Variants in RAD51C observed in about 807,000 individuals in gnomAD.
The protein encoded by RAD51C is DNA repair protein RAD51 homolog 3.
In RAD51C, 42 loss-of-function variants were observed where a neutral mutation model predicts 45.0. The observed-to-expected ratio is 0.93, with a 90% CI of 0.73 to 1.21. The LOEUF is 1.21. RAD51C is among the 50% of genes most tolerant of loss of function. The pLI, the probability that RAD51C is intolerant of heterozygous loss-of-function variation, is 0.00. For missense variants in RAD51C, 474 were observed against 452.2 expected, an observed-to-expected ratio of 1.05 and a Z score of -0.44; for synonymous variants, 172 against 159.8, an observed-to-expected ratio of 1.08 and a Z score of -0.58.
intron 6 of RAD51C, among the ~76,000 whole-genome samples, chr17:58,722,571 C>A (rs1180098168): frequency 1.3e-5 from 2 of 152,180 alleles, no homozygotes; most frequent in Non-Finnish European, 2.9e-5. Context: ...CCACCATTAG[C>A]TTTCTGTTTT....
At chr17:58,706,419 G>A (rs1252179686) in intron 4 of RAD51C, 8 of 317,274 alleles carry the variant, frequency 2.5e-5, no homozygotes, top group South Asian at 5.6e-5. Context: ...GACAGAGTGA[G>A]ACTCCATCTC....
chr17:58,723,991 T>A (rs1413444622), intron 6 of RAD51C, 49 bp from the exon 7 acceptor site: 1 of 1,485,970 alleles, frequency 6.7e-7, no homozygotes. Context: ...GAGAAATGTA[T>A]AACCAAGTCA....
rs1567786001 is a variant in RAD51C at position 58,695,020 on chromosome 17, T to A, written c.235T>A (p.Ser79Thr). ...AAATAAACCAAGATATGCTGGTACA[T>A]CTGAGTCACACAAGAAGTGTACAGC... ...LTNKPRYAGT[S>T]ESHKKCTALE... The change falls in exon 2 of 9, where the codon TCT becomes ACT. Residue 79 changes from serine to threonine, a missense_variant. Coordinates refer to ENST00000337432, the MANE Select transcript of RAD51C (RefSeq NM_058216.3). The A allele has an allele frequency of 6.2e-7, 1 of 1,614,088 alleles. No homozygotes were observed. The highest frequency in any genetic ancestry group is 8.5e-7 in the Non-Finnish European group (1 of 1,179,972).
intron 5 of RAD51C, among the ~76,000 whole-genome samples, chr17:58,716,532 G>A (rs2048743390): frequency 6.6e-6 from 1 of 151,866 alleles, no homozygotes; most frequent in Admixed American, 6.6e-5. Flanking sequence ...GCGCGATCTT[G>A]GCTCACTGCA....
At chr17:58,721,051 G>T (rs115299316) in intron 6 of RAD51C, among the ~76,000 whole-genome samples, 1 of 152,116 alleles carries the variant, frequency 6.6e-6, no homozygotes, top group Non-Finnish European at 1.5e-5. Context: ...TTGGGAGGCC[G>T]AGGCGGATCA....
intron 7 of RAD51C, among the ~76,000 whole-genome samples, chr17:58,730,486 C>T (rs1398104231): frequency 2.6e-5 from 4 of 152,004 alleles, no homozygotes; most frequent in Non-Finnish European, 5.9e-5. Context: ...CTCAACATAG[C>T]TATTCTTGTA....
intron 5 of RAD51C, among the ~76,000 whole-genome samples, chr17:58,711,418 A>G (rs764699125): frequency 2.0e-5 from 3 of 152,196 alleles, no homozygotes; most frequent in Non-Finnish European, 4.4e-5. Context: ...GTATGCATTT[A>G]TATTTGTATA....
At chr17:58,696,978 A>G in intron 3 of RAD51C, 119 bp downstream of exon 3, 1 of 1,201,810 alleles carries the variant, frequency 8.3e-7, no homozygotes, top group Non-Finnish European at 1.2e-6. Context: ...TGGACAGTTA[A>G]CTAGTGTTAA....
rs876660577 is a variant in RAD51C, at chr17:58,692,793, C to T, written c.145+5C>T. Reference sequence around the variant, plus strand: ...AACCCTCCGAGCTTAGCAAAGGTAACGACTCCTGATGGCAAGCTGAGGCAC... The same window carrying T: ...AACCCTCCGAGCTTAGCAAAGGTAATGACTCCTGATGGCAAGCTGAGGCAC... On this transcript the variant is annotated splice_donor_5th_base_variant and intron_variant, in intron 1 of 8. Transcript: ENST00000337432. 1.9e-6 allele frequency: 3 copies of T among 1,614,176 alleles called. No homozygotes were observed. The Admixed American group carries it at 5.0e-5, about 27-fold the overall frequency.
chr17:58,732,080 G>A (rs1262120088), intron 7 of RAD51C, among the ~76,000 whole-genome samples: 1 of 152,106 alleles, frequency 6.6e-6, no homozygotes, highest in Non-Finnish European at 1.5e-5. Flanking sequence ...CTTGATTGTA[G>A]TCTTCTATCA....
At chr17:58,729,214 G>A (rs937503653) in intron 7 of RAD51C, among the ~76,000 whole-genome samples, 3 of 152,002 alleles carry the variant, frequency 2.0e-5, no homozygotes, top group Non-Finnish European at 4.4e-5. Flanking sequence ...TGATTTTTTT[G>A]TTTTGTTTGG....
At chr17:58,698,520 G>C (rs1172740511) in intron 3 of RAD51C, among the ~76,000 whole-genome samples, 2 of 150,022 alleles carry the variant, frequency 1.3e-5, no homozygotes, top group East Asian at 2.0e-4. Context: ...GTAGAGAGGG[G>C]GTTTCACCAT....
In RAD51C at chr17:58,713,748, C is replaced by T. The variant is rs546848901; in HGVS notation, c.837+3758C>T. On this transcript the variant is annotated intron_variant, in intron 5 of 8. Transcript: ENST00000337432. ...ACTTGAACTCGGGAGGTGGAGGTTG[C>T]AGTGAGCCAAGATCACACTGTTGCA... Among the ~76,000 whole-genome samples the T allele has an allele frequency of 5.3e-5, 8 of 152,174 alleles. No individual in the cohort carries two copies. The East Asian group carries it at 1.5e-3, about 29-fold the overall frequency.
rs768715761 is a variant in RAD51C, at chr17:58,734,102, A to AT, written c.1027-10dup. 1 of 1,604,426 alleles carries AT rather than the reference A, an allele frequency of 6.2e-7. No homozygotes were observed. The highest frequency in any genetic ancestry group is 1.3e-5 in the African/African-American group (1 of 74,518). Reference sequence around the variant, plus strand: ...GTTCTTAAAGCATATTTGTATATATATTTTTTATCTTTCAGCCTCAGGGAT... The same window carrying AT: ...GTTCTTAAAGCATATTTGTATATATATTTTTTTATCTTTCAGCCTCAGGGAT... On this transcript the variant is annotated splice_polypyrimidine_tract_variant and intron_variant, in intron 8 of 8. Coordinates refer to ENST00000337432, the MANE Select transcript of RAD51C (RefSeq NM_058216.3).
intron 6 of RAD51C, among the ~76,000 whole-genome samples, chr17:58,722,948 C>T (rs1190042768): frequency 6.6e-6 from 1 of 152,116 alleles, no homozygotes; most frequent in African/African-American, 2.4e-5. Flanking sequence ...CTTAGAATTG[C>T]AAATCAGTAG....
At chr17:58,700,160 A>C (rs2048162189) in intron 3 of RAD51C, 1 of 152,134 alleles carries the variant, frequency 6.6e-6, no homozygotes, top group Non-Finnish European at 1.5e-5. Context: ...CCCAGCTCCA[A>C]ATCTAACCAA....
chr17:58,705,912 T>C (rs2048365025), intron 4 of RAD51C: 1 of 148,986 alleles, frequency 6.7e-6, no homozygotes, highest in African/African-American at 2.5e-5. Flanking sequence ...TCATCAACTC[T>C]AAAAGTCCCA....
At chr17:58,730,754 G>A (rs2049389003) in intron 7 of RAD51C, among the ~76,000 whole-genome samples, 1 of 152,010 alleles carries the variant, frequency 6.6e-6, no homozygotes, top group African/African-American at 2.4e-5. Context: ...GTTAGAATCT[G>A]TATTTTTTAG....
intron 7 of RAD51C, among the ~76,000 whole-genome samples, chr17:58,727,933 T>C (rs945623443): frequency 6.9e-6 from 1 of 145,882 alleles, no homozygotes; most frequent in African/African-American, 2.6e-5. Flanking sequence ...ATCTCTAAGA[T>C]ATTAAAAAAA....
Sources: allele counts gnomAD v4.1 joint callset (sites outside exome capture counted in the v4.1 genomes callset), GRCh38; gene constraint gnomAD v4.1.1; transcripts MANE v1.5; gene names NCBI Gene and HGNC (gene_info 2026-07-23, HGNC 2026-07-21).